FBXO38: variants seen among roughly 807,000 people sequenced by gnomAD.
FBXO38 encodes the protein F-box only protein 38.
FBXO38 carries 53 observed loss-of-function variants against 131.9 expected under a neutral mutation model. The ratio of observed to expected loss-of-function variants is 0.40; its 90% CI spans 0.32 to 0.51. The LOEUF is 0.51. Among genes scored for constraint, FBXO38 ranks in the 20% least tolerant of loss-of-function variants. The pLI is 0.53. For missense variants in FBXO38, 1,076 were observed against 1,475.6 expected, an observed-to-expected ratio of 0.73 and a Z score of 4.44; for synonymous variants, 452 against 505.6, an observed-to-expected ratio of 0.89 and a Z score of 1.42.
rs1313017897 is a variant in FBXO38 at position 148,425,831 on chromosome 5, T to G, written c.1918+130T>G. 5.3e-6 allele frequency: 4 copies of G among 761,148 alleles called. No individual in the cohort carries two copies. The Admixed American group carries it at 1.1e-4, about 21-fold the overall frequency. 47.1% of individuals were successfully genotyped at this position (761,148 alleles called of 1,614,324 possible). ...TGTGACAGGAAGCAAGAAATGCACT[T>G]GCCCAAGTAAGGGAAATCTGGGTGG... On this transcript the variant is annotated intron_variant, in intron 14 of 21. Coordinates refer to ENST00000340253, the MANE Select transcript of FBXO38 (RefSeq NM_205836.3).
intron 11 of FBXO38, 176 bp from the exon 12 acceptor site, chr5:148,416,818 A>G: frequency 3.4e-6 from 2 of 587,058 alleles, no homozygotes; most frequent in Non-Finnish European, 6.0e-6. Flanking sequence ...CCCTTTATCT[A>G]TCTTGAAGTG....
intron 21 of FBXO38, 165 bp downstream of exon 21, chr5:148,441,402 G>T: frequency 1.7e-6 from 1 of 579,288 alleles, no homozygotes; most frequent in Non-Finnish European, 3.0e-6. Context: ...TTGTGCAGTA[G>T]ATGTTCAGTG....
Position 148,433,717 on chromosome 5 carries a change from C to G in FBXO38, c.2837C>G (p.Pro946Arg), listed in dbSNP as rs144849921. 22 of 1,603,694 alleles carry G rather than the reference C, an allele frequency of 1.4e-5. No homozygotes were observed. Among genetic ancestry groups the G allele is most frequent in the Non-Finnish European group, 1.7e-5 (20 of 1,173,480 alleles). Reference sequence around the variant, plus strand: ...ACAGATCTAGTGCTAAAAGACTGTCCAAAGATGATGTTCATCCATGGTATG... The same window carrying G: ...ACAGATCTAGTGCTAAAAGACTGTCGAAAGATGATGTTCATCCATGGTATG... ...GITDLVLKDC[P>R]KMMFIHATRC... The change falls in exon 17 of 22, where the codon CCA becomes CGA. Residue 946 changes from proline (P) to arginine (R), a missense_variant. Physicochemically the swap from Pro to Arg is moderately radical, Grantham distance 103. Coordinates refer to ENST00000340253, the MANE Select transcript of FBXO38 (RefSeq NM_205836.3).
chr5:148,415,860 A>G, intron 10 of FBXO38, 68 bp from the exon 11 acceptor site: 2 of 1,536,172 alleles, frequency 1.3e-6, no homozygotes, highest in Non-Finnish European at 1.8e-6. Context: ...TGTGACCTGT[A>G]TCAAAATTCA....
chr5:148,384,486 T>G (rs895374872), intron 1 of FBXO38, among the ~76,000 whole-genome samples: 1 of 152,202 alleles, frequency 6.6e-6, no homozygotes, highest in African/African-American at 2.4e-5. Context: ...TGAACACATC[T>G]TTGGCTGCCA....
intron 18 of FBXO38, 40 bp downstream of exon 18, chr5:148,438,538 G>A (rs1417154668): frequency 6.4e-7 from 1 of 1,573,394 alleles, no homozygotes; most frequent in Non-Finnish European, 8.6e-7. Flanking sequence ...CACATATTGT[G>A]GTGTTTTTCT....
intron 20 of FBXO38, among the ~76,000 whole-genome samples, chr5:148,440,804 C>T (rs780387060): frequency 2.6e-5 from 4 of 152,084 alleles, no homozygotes; most frequent in Non-Finnish European, 2.9e-5. Context: ...ACTAGATGAC[C>T]GAACATGCCT....
At position 148,400,935 on chromosome 5, in the gene FBXO38, G is replaced by GTTAC. The variant is rs537326870; in HGVS notation, c.263-1045_263-1042dup. ...ACATTGAATCGTTCAGTCATTAAAA[G>GTTAC]TTACTATACAAGAAAGTAATAAGAA... On this transcript the variant is annotated intron_variant, in intron 3 of 21. Transcript: ENST00000340253. 5.3e-4 allele frequency among the ~76,000 whole-genome samples: 81 copies of GTTAC among 152,198 alleles called. No homozygotes were observed. The East Asian group carries it at 0.015, about 29-fold the overall frequency.
intron 9 of FBXO38, chr5:148,413,648 T>C (rs966732397): frequency 5.2e-5 from 8 of 152,384 alleles, no homozygotes; most frequent in African/African-American, 1.9e-4. Context: ...TTTTAGGGTA[T>C]AGATAGATGT....
chr5:148,387,166 C>G (rs1040932141), intron 1 of FBXO38, among the ~76,000 whole-genome samples: 60 of 152,146 alleles, frequency 3.9e-4, no homozygotes, highest in African/African-American at 1.4e-3. Flanking sequence ...AAATTACATT[C>G]AGTTCTCTCA....
intron 13 of FBXO38, among the ~76,000 whole-genome samples, chr5:148,424,731 C>T (rs1199662156): frequency 6.6e-6 from 1 of 152,148 alleles, no homozygotes; most frequent in Non-Finnish European, 1.5e-5. Context: ...TAGAATGCTA[C>T]CTTGTCTTTG....
At chr5:148,433,403 C>CT (rs377765932) in intron 15 of FBXO38, 21 bp from the exon 16 acceptor site, 1,165 of 1,548,366 alleles carry the variant, frequency 7.5e-4, no homozygotes, top group African/African-American at 4.5e-3. Context: ...TTTGGATTTT[C>CT]TTTTTTTTTG....
chr5:148,398,867 G>A, intron 2 of FBXO38, 132 bp from the exon 3 acceptor site: 1 of 1,021,802 alleles, frequency 9.8e-7, no homozygotes, highest in Non-Finnish European at 1.4e-6. Context: ...ATGTGTGGTA[G>A]CTTTAAATCT....
At chr5:148,406,855 AGAT>A (rs1488511593) in intron 7 of FBXO38, among the ~76,000 whole-genome samples, 4 of 152,208 alleles carry the variant, frequency 2.6e-5, no homozygotes, top group South Asian at 2.1e-4. Context: ...TTTACCCATC[AGAT>A]GATGATATTT....
chr5:148,386,232 C>T (rs1757907371), intron 1 of FBXO38, among the ~76,000 whole-genome samples: 1 of 152,112 alleles, frequency 6.6e-6, no homozygotes, highest in Non-Finnish European at 1.5e-5. Flanking sequence ...GGGCATTGCT[C>T]TGGAATGCAG....
At chr5:148,433,843 A>G in intron 17 of FBXO38, 106 bp downstream of exon 17, 2 of 603,716 alleles carry the variant, frequency 3.3e-6, no homozygotes, top group Middle Eastern at 9.7e-4. Flanking sequence ...CTTAAAGGAA[A>G]TATTGTGTTG....
intron 1 of FBXO38, among the ~76,000 whole-genome samples, chr5:148,386,371 C>G (rs1757915205): frequency 6.6e-6 from 1 of 152,168 alleles, no homozygotes; most frequent in Non-Finnish European, 1.5e-5. Context: ...CTTATCCTCT[C>G]TGGTTCTGTT....
Position 148,439,809 on chromosome 5 carries a change from C to T in FBXO38, c.3170+17C>T. On this transcript the variant is annotated intron_variant, in intron 19 of 21. Coordinates refer to ENST00000340253, the MANE Select transcript of FBXO38 (RefSeq NM_205836.3). The stretch of plus-strand genomic sequence containing the variant: ...CATCAATCAGTAAGTAACTTTGTGG[C>T]CCTTAAAGGCCTTTTGAGTCATTTC... 2 of 1,612,164 alleles carry T rather than the reference C, an allele frequency of 1.2e-6. No individual in the cohort carries two copies. Among genetic ancestry groups the T allele is most frequent in the Non-Finnish European group, 8.5e-7 (1 of 1,179,044 alleles).
At chr5:148,392,292 T>A (rs1023229550) in intron 1 of FBXO38, among the ~76,000 whole-genome samples, 1 of 152,208 alleles carries the variant, frequency 6.6e-6, no homozygotes, top group East Asian at 1.9e-4. Context: ...ATCAATTGTC[T>A]GTGGGAAATG....
Sources: allele counts gnomAD v4.1 joint callset (sites outside exome capture counted in the v4.1 genomes callset), GRCh38; gene constraint gnomAD v4.1.1; transcripts MANE v1.5; gene names NCBI Gene and HGNC (gene_info 2026-07-23, HGNC 2026-07-21).